VGLL4: variants seen among roughly 807,000 people sequenced by gnomAD.
The protein encoded by VGLL4 is vestigial like family member 4.
Under a neutral mutation model 21.0 loss-of-function variants are expected in VGLL4, and 7 were observed. The observed-to-expected ratio is 0.33, with a 90% CI of 0.19 to 0.63. The LOEUF (loss-of-function observed/expected upper bound fraction) is 0.63. Ranked by LOEUF, VGLL4 falls within the 20% of genes least tolerant of loss-of-function variation. The pLI is 0.78. For synonymous variants in VGLL4, 222 were observed against 173.2 expected (o/e 1.28, Z -2.21); for missense variants, 394 against 425.7 (o/e 0.93, Z 0.66).
chr3:11,656,147 C>G (rs1000106113), intron 2 of VGLL4, among the ~76,000 whole-genome samples: 2 of 152,182 alleles, frequency 1.3e-5, no homozygotes, highest in Non-Finnish European at 2.9e-5. Context: ...TATTGCCATA[C>G]AAAGGCTCAT....
chr3:11,560,931 G>C (rs911611964), intron 3 of VGLL4, among the ~76,000 whole-genome samples: 1 of 152,118 alleles, frequency 6.6e-6, no homozygotes, highest in African/African-American at 2.4e-5. Context: ...AGGGGGTTGG[G>C]GACCGACAGA....
At chr3:11,688,869 T>A (rs1056358652) in intron 2 of VGLL4, among the ~76,000 whole-genome samples, 4 of 152,060 alleles carry the variant, frequency 2.6e-5, no homozygotes, top group African/African-American at 9.7e-5. Flanking sequence ...AATACAAAAA[T>A]TAGCCGGGCA....
At chr3:11,608,339 TAA>T (rs2074991120) in intron 1 of VGLL4, among the ~76,000 whole-genome samples, 1 of 152,180 alleles carries the variant, frequency 6.6e-6, no homozygotes, top group Non-Finnish European at 1.5e-5. Context: ...AATGCCTAGA[TAA>T]AATGAAGAAA....
intron 2 of VGLL4, among the ~76,000 whole-genome samples, chr3:11,576,928 G>C (rs2074068457): frequency 6.6e-6 from 1 of 152,218 alleles, no homozygotes; most frequent in African/African-American, 2.4e-5. Flanking sequence ...TGCTCGGTAG[G>C]CTGCTCAGAA....
chr3:11,565,735 C>T lies in VGLL4; in HGVS notation c.273-716G>A, dbSNP rs1363111907. 6.6e-6 allele frequency among the ~76,000 whole-genome samples: 1 copy of T among 152,160 alleles called. No individual in the cohort carries two copies. Among genetic ancestry groups the T allele is most frequent in the Non-Finnish European group, 1.5e-5 (1 of 68,040 alleles). ...CCTGGCCATGTGCTGAGCACCCAGG[C>T]GATGCCACGTGGAATCCAGGTGAGA... On this transcript the variant is annotated intron_variant, in intron 2 of 4. Transcript: ENST00000430365. This position sits in a 1 kb window ranked among gnomAD's most constrained non-coding sequence, Gnocchi z 4.1.
intron 2 of VGLL4, among the ~76,000 whole-genome samples, chr3:11,690,973 G>A (rs2076518704): frequency 6.6e-6 from 1 of 151,928 alleles, no homozygotes. Flanking sequence ...AAAAGATGTG[G>A]CCTTTGTCTT....
chr3:11,568,496 G>T lies in VGLL4; in HGVS notation c.273-3477C>A. 6.9e-7 allele frequency: 1 copy of T among 1,447,266 alleles called. No individual in the cohort carries two copies. The highest frequency in any genetic ancestry group is 9.5e-7 in the Non-Finnish European group (1 of 1,055,630). The allele number at this position is 1,447,266 out of a possible 1,614,324, so 89.7% of individuals were successfully genotyped here. A position where few individuals can be genotyped will look rare whatever the true frequency, so the allele number is the denominator to read the frequency against. Reference sequence around the variant, plus strand: ...GGCCCACTAACTGGAAAGACAGTCCGTGGAACACAGCACAGTGGGCACTAT... The same window carrying T: ...GGCCCACTAACTGGAAAGACAGTCCTTGGAACACAGCACAGTGGGCACTAT... On this transcript the variant is annotated intron_variant, in intron 2 of 4. Coordinates refer to ENST00000430365, the MANE Select transcript of VGLL4 (RefSeq NM_001128219.3). The surrounding 1 kb of genome is among the most constrained non-coding windows in gnomAD (Gnocchi z 5.9).
At chr3:11,605,728 C>A (rs933517907) in intron 1 of VGLL4, among the ~76,000 whole-genome samples, 1 of 152,108 alleles carries the variant, frequency 6.6e-6, no homozygotes, top group African/African-American at 2.4e-5. Context: ...ATTTAATAAA[C>A]CTGACAGTGC....
chr3:11,636,765 C>T (rs1453826787), intron 1 of VGLL4, among the ~76,000 whole-genome samples: 4 of 152,108 alleles, frequency 2.6e-5, no homozygotes, highest in African/African-American at 9.7e-5. Context: ...GGTGGGAGGG[C>T]TTCAACAGGT....
chr3:11,706,561 CT>C (rs1454228394), intron 1 of VGLL4, among the ~76,000 whole-genome samples: 4 of 152,166 alleles, frequency 2.6e-5, no homozygotes, highest in Non-Finnish European at 5.9e-5. Context: ...ACGTGTTTGC[CT>C]TGTGCACATC....
chr3:11,705,990 T>C (rs1164411918), intron 1 of VGLL4, among the ~76,000 whole-genome samples: 1 of 152,000 alleles, frequency 6.6e-6, no homozygotes, highest in African/African-American at 2.4e-5. Context: ...TTTGCAATAA[T>C]ACAGCATTTA....
At chr3:11,644,061 G>T, upstream of VGLL4, 1 of 921,282 alleles carries the variant, frequency 1.1e-6, no homozygotes, top group Non-Finnish European at 1.3e-6. Context: ...GAAAGGGGAG[G>T]GGGAGAGACT....
At chr3:11,702,174 T>C (rs142275979) in intron 2 of VGLL4, among the ~76,000 whole-genome samples, 8 of 152,222 alleles carry the variant, frequency 5.3e-5, no homozygotes, top group African/African-American at 1.9e-4. Flanking sequence ...TCTCTGCTGG[T>C]CAATTAGTCT....
chr3:11,602,554 A>C (rs759498004), intron 1 of VGLL4, among the ~76,000 whole-genome samples: 4 of 152,200 alleles, frequency 2.6e-5, no homozygotes, highest in Non-Finnish European at 4.4e-5. Context: ...AAGAAATATA[A>C]ATACATCGTT....
intron 1 of VGLL4, among the ~76,000 whole-genome samples, chr3:11,639,872 T>A (rs547997146): frequency 4.0e-5 from 6 of 151,122 alleles, no homozygotes; most frequent in Admixed American, 6.6e-5. Flanking sequence ...CAAGACTCCG[T>A]CTCAAAAGAA....
chr3:11,582,423 C>T, intron 2 of VGLL4: 2 of 1,510,366 alleles, frequency 1.3e-6, no homozygotes, highest in Non-Finnish European at 1.8e-6. Flanking sequence ...AAAGTCCTCC[C>T]TGAAAGGAGG....
intron 1 of VGLL4, among the ~76,000 whole-genome samples, chr3:11,709,380 T>C (rs575589129): frequency 6.9e-6 from 1 of 145,706 alleles, no homozygotes; most frequent in South Asian, 2.1e-4. Context: ...GAGGTTGCAG[T>C]GAGCCGAGAT....
intron 2 of VGLL4, among the ~76,000 whole-genome samples, chr3:11,698,983 G>A (rs531794934): frequency 1.1e-4 from 17 of 152,302 alleles, no homozygotes; most frequent in African/African-American, 4.1e-4. Flanking sequence ...GATGAGCTGG[G>A]AAACTGATCT....
chr3:11,615,054 T>C (rs1355759707), intron 1 of VGLL4, among the ~76,000 whole-genome samples: 1 of 152,230 alleles, frequency 6.6e-6, no homozygotes, highest in Non-Finnish European at 1.5e-5. Context: ...AAAGTATTAA[T>C]AAGTGGGAGA....
Sources: gnomAD v4.1 joint callset for allele counts (sites outside exome capture counted in the v4.1 genomes callset) on GRCh38, gnomAD v4.1.1 for gene constraint, Gnocchi (gnomAD v3.1) non-coding constraint, MANE v1.5 for transcripts, NCBI Gene and HGNC (gene_info 2026-07-23, HGNC 2026-07-21) for gene names.